DHTKD1: variants seen among roughly 807,000 people sequenced by gnomAD.
DHTKD1 encodes dehydrogenase E1 and transketolase domain containing 1, also known as 2-oxoadipate dehydrogenase complex component E1.
Under a neutral mutation model 101.8 loss-of-function variants are expected in DHTKD1, and 78 were observed. The observed-to-expected ratio is 0.77, with a 90% CI of 0.64 to 0.93. The LOEUF is 0.93. Among genes scored for constraint, DHTKD1 ranks in the 40% least tolerant of loss-of-function variants. DHTKD1 has a pLI of 0.00. For missense variants in DHTKD1, 1,223 were observed against 1,161.7 expected, an observed-to-expected ratio of 1.05 and a Z score of -0.77; for synonymous variants, 462 against 450.3, an observed-to-expected ratio of 1.03 and a Z score of -0.33.
At position 12,107,875 on chromosome 10, in the gene DHTKD1, T is replaced by C; in HGVS notation, c.2048-34T>C. On this transcript the variant is annotated intron_variant, in intron 11 of 16. Coordinates refer to ENST00000263035, the MANE Select transcript of DHTKD1 (RefSeq NM_018706.7). This position sits in a 1 kb window ranked among gnomAD's most constrained non-coding sequence, Gnocchi z 4.1. The stretch of plus-strand genomic sequence containing the variant: ...GTCAGGCCACTTTGTCCCCGCTTCG[T>C]AGAGCTCTTACTCCCCACGTGGTAC... 2.1e-6 allele frequency: 3 copies of C among 1,453,410 alleles called. No homozygotes were observed. The highest frequency in any genetic ancestry group is 2.3e-5 in the East Asian group (1 of 44,020). 90.0% of individuals were successfully genotyped at this position (1,453,410 alleles called of 1,614,324 possible). A position where few individuals can be genotyped will look rare whatever the true frequency, so the allele number is the denominator to read the frequency against.
In DHTKD1 at chr10:12,118,191, C is replaced by T. The variant is rs112390317; in HGVS notation, c.2402+436C>T. On this transcript the variant is annotated intron_variant, in intron 14 of 16. Transcript: ENST00000263035. Reference sequence around the variant, plus strand: ...AGGCGTGAGCCACCATGCCTGGCCTCCTCTATCCTAAGTCCTTTAAGTCAG... The same window carrying T: ...AGGCGTGAGCCACCATGCCTGGCCTTCTCTATCCTAAGTCCTTTAAGTCAG... 4.0e-5 allele frequency among the ~76,000 whole-genome samples: 6 copies of T among 151,480 alleles called. 1 individual carries two copies. The highest frequency in any genetic ancestry group is 1.2e-4 in the African/African-American group (5 of 41,418).
Position 12,069,179 on chromosome 10 carries a change from G to A in DHTKD1, c.146G>A (p.Arg49His). The change falls in exon 1 of 17, where the codon CGC becomes CAC. Residue 49 changes from arginine to histidine, a missense_variant. Coordinates refer to ENST00000263035, the MANE Select transcript of DHTKD1 (RefSeq NM_018706.7). The part of the protein sequence containing the change: ...ESREPQGALE[R>H]PPVDHGLARL... The stretch of plus-strand genomic sequence containing the variant: ...CGCGAGCCCCAGGGCGCCCTGGAGC[G>A]CCCCCCAGGTCGGGGATGGGGCCCG... The A allele has an allele frequency of 1.9e-6, 3 of 1,551,076 alleles. No individual in the cohort carries two copies. Among genetic ancestry groups the A allele is most frequent in the African/African-American group, 1.4e-5 (1 of 72,462 alleles).
intron 1 of DHTKD1, among the ~76,000 whole-genome samples, chr10:12,076,795 A>T (rs548202267): frequency 4.8e-4 from 73 of 151,966 alleles, no homozygotes; most frequent in Admixed American, 1.3e-3. Flanking sequence ...AGTAGCTGGG[A>T]CTACAGGTGC....
chr10:12,103,798 G>A lies in DHTKD1; in HGVS notation c.1897-2448G>A, dbSNP rs1279577020. Among the ~76,000 whole-genome samples the A allele has an allele frequency of 6.6e-6, 1 of 152,118 alleles. No homozygotes were observed. The highest frequency in any genetic ancestry group is 1.5e-5 in the Non-Finnish European group (1 of 68,028). ...CCCAAAGTGCTGGGATTATAGATGT[G>A]AGCTGCCGTGCCCAGCCTAGAGGGT... On this transcript the variant is annotated intron_variant, in intron 10 of 16. Coordinates refer to ENST00000263035, the MANE Select transcript of DHTKD1 (RefSeq NM_018706.7). The surrounding 1 kb of genome is among the most constrained non-coding windows in gnomAD (Gnocchi z 4.8).
chr10:12,105,863 G>C (rs1833238481), intron 10 of DHTKD1, among the ~76,000 whole-genome samples: 1 of 152,170 alleles, frequency 6.6e-6, no homozygotes, highest in African/African-American at 2.4e-5. Context: ...GGGGGGCCAA[G>C]GTGGGTGGAT....
rs1199420031 is a variant in DHTKD1, at chr10:12,107,708, G to A, written c.2048-201G>A. ...GCTGGGATTACAGGTGTGAGCCACCGTGCCTAGCCCATGATAGGTTTTCAT... is the reference window on the plus strand; with the variant it reads ...GCTGGGATTACAGGTGTGAGCCACCATGCCTAGCCCATGATAGGTTTTCAT... On this transcript the variant is annotated intron_variant, in intron 11 of 16. Transcript: ENST00000263035. This position sits in a 1 kb window ranked among gnomAD's most constrained non-coding sequence, Gnocchi z 4.1. Among the ~76,000 whole-genome samples the A allele has an allele frequency of 3.3e-5, 5 of 152,168 alleles. No homozygotes were observed. In the East Asian group the frequency reaches 9.6e-4, roughly 29 times the overall value.
chr10:12,110,522 A>T lies in DHTKD1; in HGVS notation c.2155-2378A>T, dbSNP rs1307664108. Among the ~76,000 whole-genome samples, 1 of 152,158 alleles carries T rather than the reference A, an allele frequency of 6.6e-6. No homozygotes were observed. Among genetic ancestry groups the T allele is most frequent in the Admixed American group, 6.6e-5 (1 of 15,254 alleles). The stretch of plus-strand genomic sequence containing the variant: ...GTATTTATTTAAACATTTTTAATTG[A>T]CAAATGTACAATTGTATATATGAAT... On this transcript the variant is annotated intron_variant, in intron 12 of 16. Transcript: ENST00000263035. The surrounding 1 kb of genome is among the most constrained non-coding windows in gnomAD (Gnocchi z 4.9).
chr10:12,113,492 C>A (rs1040829770), intron 13 of DHTKD1, among the ~76,000 whole-genome samples: 1 of 152,132 alleles, frequency 6.6e-6, no homozygotes, highest in African/African-American at 2.4e-5. Context: ...GTCACCACAC[C>A]CAGCCTGCTT....
At chr10:12,069,572 G>A (rs2131342820) in intron 1 of DHTKD1, among the ~76,000 whole-genome samples, 1 of 138,710 alleles carries the variant, frequency 7.2e-6, no homozygotes, top group Admixed American at 7.6e-5. Context: ...GCCCAGGCTG[G>A]AGTGCAGTGC....
At chr10:12,094,770 G>A (rs1393013822) in intron 7 of DHTKD1, among the ~76,000 whole-genome samples, 5 of 152,206 alleles carry the variant, frequency 3.3e-5, no homozygotes, top group African/African-American at 1.2e-4. Flanking sequence ...TTCCTGAGTA[G>A]CTGGGATTAC....
Position 12,101,103 on chromosome 10 carries a change from AATC to A in DHTKD1, c.1819_1821del (p.Ile607del). On this transcript the variant is annotated inframe_deletion, in exon 10 of 17. Coordinates refer to ENST00000263035, the MANE Select transcript of DHTKD1 (RefSeq NM_018706.7). ...GTGGAACTTTCAGTCAGAGGCATGC[AATC>A]GTGGTTTGCCAGGAGACGGATGACA... The A allele has an allele frequency of 6.2e-7, 1 of 1,614,082 alleles. No homozygotes were observed.
chr10:12,101,132 C>G lies in DHTKD1; in HGVS notation c.1847C>G (p.Thr616Ser). Residue 616 changes from threonine to serine, a missense_variant, in exon 10 of 17, where the codon ACC (threonine) becomes AGC (serine). Coordinates refer to ENST00000263035, the MANE Select transcript of DHTKD1 (RefSeq NM_018706.7). ...GTGGTTTGCCAGGAGACGGATGACACCTACATCCCCCTGAACCATATGGAC... is the reference window on the plus strand; with the variant it reads ...GTGGTTTGCCAGGAGACGGATGACAGCTACATCCCCCTGAACCATATGGAC... ...AIVVCQETDD[T>S]YIPLNHMDPN... is the part of the protein sequence containing the mutation. 6.2e-7 allele frequency: 1 copy of G among 1,614,036 alleles called. No individual in the cohort carries two copies. Among genetic ancestry groups the G allele is most frequent in the Non-Finnish European group, 8.5e-7 (1 of 1,179,984 alleles).
At position 12,120,935 on chromosome 10, in the gene DHTKD1, T is replaced by G; in HGVS notation, c.*47T>G. ...TATTTCTCTTTAAGAAAATGGCCAT[T>G]AAGGCCGGGTGGGGTGGCACATGCC... is the stretch of plus-strand genomic sequence containing the variant. On this transcript the variant is annotated 3_prime_UTR_variant, in exon 17 of 17. Transcript: ENST00000263035. 3.6e-5 allele frequency: 54 copies of G among 1,501,452 alleles called. No homozygotes were observed. Among genetic ancestry groups the G allele is most frequent in the African/African-American group, 6.9e-5 (5 of 72,516 alleles). 93.0% of individuals were successfully genotyped at this position (1,501,452 alleles called of 1,614,324 possible). A position where few individuals can be genotyped will look rare whatever the true frequency, so the allele number is the denominator to read the frequency against.
intron 1 of DHTKD1, among the ~76,000 whole-genome samples, chr10:12,070,944 T>TA (rs947569057): frequency 1.6e-4 from 25 of 152,334 alleles, no homozygotes; most frequent in African/African-American, 5.8e-4. Flanking sequence ...CAAGGGCATG[T>TA]AGTCTGCCTC....
At chr10:12,106,137 C>T (rs554963693) in intron 10 of DHTKD1, 109 bp from the exon 11 acceptor site, 16 of 1,127,850 alleles carry the variant, frequency 1.4e-5, no homozygotes, top group Admixed American at 6.1e-5. Context: ...TGGTGATGAA[C>T]GAGAGCAAGG....
In DHTKD1 at chr10:12,101,049, T is replaced by C; in HGVS notation, c.1764T>C (p.Asn588=). ...TTTTCTTGCTTGCTTAAGGTTTTAA[T>C]GTTCGTCTAAGTGGCCAAGATGTTG... The part of the protein sequence containing the change: ...ALGSLLAQGF[N]VRLSGQDVGR... Residue 588 remains asparagine, a synonymous_variant, in exon 10 of 17, where the codon AAT becomes AAC. Transcript: ENST00000263035. 2.5e-6 allele frequency: 4 copies of C among 1,613,866 alleles called. No individual in the cohort carries two copies. The highest frequency in any genetic ancestry group is 3.4e-6 in the Non-Finnish European group (4 of 1,179,962).
intron 1 of DHTKD1, 128 bp from the exon 2 acceptor site, chr10:12,081,344 C>A: frequency 1.4e-6 from 1 of 693,814 alleles, no homozygotes; most frequent in South Asian, 1.8e-5. Flanking sequence ...AAGACCCTGT[C>A]TCTAAAATAA....
intron 13 of DHTKD1, among the ~76,000 whole-genome samples, chr10:12,115,312 G>C (rs1390590213): frequency 6.6e-6 from 1 of 152,054 alleles, no homozygotes; most frequent in Non-Finnish European, 1.5e-5. Context: ...GGCCAGGCTG[G>C]TCTCGAACTC....
intron 4 of DHTKD1, among the ~76,000 whole-genome samples, chr10:12,088,130 A>T (rs979359683): frequency 6.6e-6 from 1 of 151,630 alleles, no homozygotes; most frequent in African/African-American, 2.4e-5. Flanking sequence ...ATAAATTTTT[A>T]AAAAGTAAAA....
Sources: gnomAD v4.1 joint callset for allele counts (sites outside exome capture counted in the v4.1 genomes callset) on GRCh38, gnomAD v4.1.1 for gene constraint, Gnocchi (gnomAD v3.1) non-coding constraint, MANE v1.5 for transcripts, NCBI Gene and HGNC (gene_info 2026-07-23, HGNC 2026-07-21) for gene names.